GRID1: variants seen among roughly 807,000 people sequenced by gnomAD.
GRID1 encodes the protein glutamate receptor ionotropic, delta-1.
A neutral mutation model predicts 98.0 loss-of-function variants in GRID1; 28 were observed. That is an observed-to-expected ratio of 0.29 (90% CI 0.21 to 0.39). The LOEUF is 0.39. Ranked by LOEUF, GRID1 falls within the 10% of genes least tolerant of loss-of-function variation. The pLI, the probability that GRID1 is intolerant of heterozygous loss-of-function variation, is 1.00. For synonymous variants in GRID1, 553 were observed against 538.5 expected, an observed-to-expected ratio of 1.03 and a Z score of -0.37; for missense variants, 1,111 against 1,340.5, an observed-to-expected ratio of 0.83 and a Z score of 2.67.
At chr10:85,838,569 T>TGA (rs1842932944) in intron 8 of GRID1, among the ~76,000 whole-genome samples, 1 of 151,868 alleles carries the variant, frequency 6.6e-6, no homozygotes, top group East Asian at 1.9e-4. Flanking sequence ...TAAGCTTCAT[T>TGA]AGCAAAGGAG....
At chr10:85,994,650 G>A (rs1842719943) in intron 4 of GRID1, among the ~76,000 whole-genome samples, 1 of 152,206 alleles carries the variant, frequency 6.6e-6, no homozygotes, top group Admixed American at 6.5e-5. Context: ...CTCAGCACGT[G>A]ATTACGCAGT....
intron 4 of GRID1, among the ~76,000 whole-genome samples, chr10:85,978,378 A>G (rs1193604756): frequency 2.6e-5 from 4 of 152,254 alleles, no homozygotes; most frequent in African/African-American, 4.8e-5. Flanking sequence ...AGCTTACCAC[A>G]AAGAACATAT....
chr10:85,776,873 C>T lies in GRID1; in HGVS notation c.1234-47259G>A, dbSNP rs963716061. 2.6e-5 allele frequency among the ~76,000 whole-genome samples: 4 copies of T among 152,194 alleles called. No homozygotes were observed. In the South Asian group the frequency reaches 8.3e-4, roughly 32 times the overall value. ...CTCAAGTCTGCTAGTCCTTGTGTGG[C>T]TTGCTCACTAGCCAAGCTTTCTGGG... On this transcript the variant is annotated intron_variant, in intron 8 of 15. Coordinates refer to ENST00000327946, the MANE Select transcript of GRID1 (RefSeq NM_017551.3).
chr10:85,670,947 A>G (rs919931533), intron 12 of GRID1, among the ~76,000 whole-genome samples: 11 of 152,300 alleles, frequency 7.2e-5, no homozygotes, highest in African/African-American at 2.6e-4. Flanking sequence ...GGATGCCAAA[A>G]CAGAAATCTC....
intron 4 of GRID1, among the ~76,000 whole-genome samples, chr10:85,985,281 G>A (rs1842595219): frequency 1.3e-5 from 2 of 152,200 alleles, no homozygotes; most frequent in Non-Finnish European, 2.9e-5. Flanking sequence ...TAAGCAAGTA[G>A]CCATATTCAT....
intron 4 of GRID1, among the ~76,000 whole-genome samples, chr10:85,936,410 C>T (rs1841926331): frequency 6.6e-6 from 1 of 152,040 alleles, no homozygotes; most frequent in South Asian, 2.1e-4. Flanking sequence ...ACATGAATCG[C>T]ATTTGCATTG....
At chr10:86,081,646 G>C (rs1035475531) in intron 4 of GRID1, among the ~76,000 whole-genome samples, 1 of 152,218 alleles carries the variant, frequency 6.6e-6, no homozygotes, top group South Asian at 2.1e-4. Flanking sequence ...GAATGAATAA[G>C]CTGTGGCACA....
intron 2 of GRID1, among the ~76,000 whole-genome samples, chr10:86,289,126 A>G (rs896555218): frequency 8.5e-5 from 13 of 152,214 alleles, no homozygotes; most frequent in Admixed American, 6.5e-5. Flanking sequence ...CAAGGTTGGC[A>G]GACCAATGGA....
At chr10:85,797,313 G>A (rs111915360) in intron 8 of GRID1, among the ~76,000 whole-genome samples, 2,481 of 151,920 alleles carry the variant, frequency 0.016, 67 homozygotes, top group African/African-American at 0.056. Flanking sequence ...TCACTACTCG[G>A]GTACTGAGTA....
chr10:85,980,413 T>TAATA (rs537909813), intron 4 of GRID1, among the ~76,000 whole-genome samples: 605 of 152,116 alleles, frequency 4.0e-3, no homozygotes, highest in Non-Finnish European at 7.0e-3. Context: ...TGTTTCCATA[T>TAATA]AATAGATGAG....
intron 4 of GRID1, among the ~76,000 whole-genome samples, chr10:85,994,100 T>C (rs537643869): frequency 1.3e-5 from 2 of 152,348 alleles, no homozygotes; most frequent in South Asian, 4.2e-4. Flanking sequence ...GGCCAGGAGC[T>C]GCAAACGGCT....
chr10:86,217,754 G>A (rs960427467), intron 2 of GRID1, among the ~76,000 whole-genome samples: 7 of 152,098 alleles, frequency 4.6e-5, no homozygotes, highest in Non-Finnish European at 8.8e-5. Context: ...CAGGGAGGGA[G>A]CTACACGGTG....
At chr10:86,174,992 A>T (rs1589398096) in intron 3 of GRID1, among the ~76,000 whole-genome samples, 1 of 152,152 alleles carries the variant, frequency 6.6e-6, no homozygotes, top group Non-Finnish European at 1.5e-5. Flanking sequence ...TCAGGAAACA[A>T]CAGGTGCTGG....
At chr10:86,120,941 C>T (rs1035609287) in intron 4 of GRID1, among the ~76,000 whole-genome samples, 2 of 152,086 alleles carry the variant, frequency 1.3e-5, no homozygotes, top group African/African-American at 4.8e-5. Context: ...CCTGGCTCTG[C>T]CACAGCCTGT....
intron 5 of GRID1, among the ~76,000 whole-genome samples, chr10:85,876,338 G>A (rs1269254334): frequency 2.6e-5 from 4 of 151,898 alleles, no homozygotes; most frequent in Non-Finnish European, 4.4e-5. Flanking sequence ...CTGGCTTGTA[G>A]CTGCATCATT....
chr10:85,629,244 T>C (rs1842946222), intron 13 of GRID1, among the ~76,000 whole-genome samples: 1 of 152,224 alleles, frequency 6.6e-6, no homozygotes, highest in African/African-American at 2.4e-5. Flanking sequence ...AGAAAATTTG[T>C]ACGAATTTAA....
chr10:85,610,222 A>G (rs1842717403), intron 15 of GRID1, among the ~76,000 whole-genome samples: 1 of 152,250 alleles, frequency 6.6e-6, no homozygotes. Flanking sequence ...CGGATTAAAT[A>G]CCATCATTAT....
chr10:86,230,018 G>A (rs1846425734), intron 2 of GRID1, among the ~76,000 whole-genome samples: 1 of 152,216 alleles, frequency 6.6e-6, no homozygotes, highest in South Asian at 2.1e-4. Context: ...GGGACCATTG[G>A]TAAGTGAAGG....
At chr10:86,247,166 T>C (rs537379938) in intron 2 of GRID1, among the ~76,000 whole-genome samples, 18 of 150,390 alleles carry the variant, frequency 1.2e-4, no homozygotes, top group Admixed American at 3.9e-4. Flanking sequence ...GGATGATGGA[T>C]GGATGGATGG....
Sources: allele counts gnomAD v4.1 joint callset (sites outside exome capture counted in the v4.1 genomes callset), GRCh38; gene constraint gnomAD v4.1.1; transcripts MANE v1.5; gene names NCBI Gene and HGNC (gene_info 2026-07-23, HGNC 2026-07-21).